Variants in SLC49A4 observed in about 807,000 individuals in gnomAD.
SLC49A4 encodes the protein disrupted in renal cancer protein 2.
Under a neutral mutation model 50.6 loss-of-function variants are expected in SLC49A4, and 36 were observed. The observed-to-expected ratio is 0.71, with a 90% CI of 0.55 to 0.94. The LOEUF (loss-of-function observed/expected upper bound fraction) is 0.94. Among genes scored for constraint, SLC49A4 ranks in the 40% least tolerant of loss-of-function variants. The pLI is 0.00. For missense variants in SLC49A4, 503 were observed against 605.7 expected (o/e 0.83, Z 1.78); for synonymous variants, 248 against 241.2 (o/e 1.03, Z -0.26).
intron 1 of SLC49A4, among the ~76,000 whole-genome samples, chr3:122,800,414 T>C (rs960185321): frequency 6.6e-5 from 10 of 152,220 alleles, no homozygotes; most frequent in African/African-American, 2.4e-4. Context: ...TGTAGAAATT[T>C]CTTTCAAGAA....
intron 7 of SLC49A4, 45 bp downstream of exon 7, chr3:122,860,247 A>G: frequency 6.6e-7 from 1 of 1,517,206 alleles, no homozygotes; most frequent in South Asian, 1.3e-5. Context: ...ATTTTCATTC[A>G]CAGAAGTGTA....
intron 4 of SLC49A4, among the ~76,000 whole-genome samples, chr3:122,840,862 A>G (rs1206114101): frequency 3.3e-5 from 5 of 152,208 alleles, no homozygotes; most frequent in Non-Finnish European, 2.9e-5. Context: ...GATATTTGCT[A>G]TCGTTAGAAA....
Position 122,833,367 on chromosome 3 carries a change from C to A in SLC49A4, c.754C>A (p.Pro252Thr). 1 of 1,613,536 alleles carries A rather than the reference C, an allele frequency of 6.2e-7. No individual in the cohort carries two copies. Among genetic ancestry groups the A allele is most frequent in the Non-Finnish European group, 8.5e-7 (1 of 1,179,624 alleles). Residue 252 changes from proline to threonine, a missense_variant, in exon 4 of 9, where the codon CCC becomes ACC. By Grantham distance (38) the Pro-to-Thr change is conservative. Coordinates refer to ENST00000261038, the MANE Select transcript of SLC49A4 (RefSeq NM_032839.3). ...TTCTGCAACACTAGCTTATTTCCCACCCCGACCTCCTCTTCCTCCCAGTGT... is the reference window on the plus strand; with the variant it reads ...TTCTGCAACACTAGCTTATTTCCCAACCCGACCTCCTCTTCCTCCCAGTGT... ...IFSATLAYFP[P>T]RPPLPPSVAA... is the part of the protein sequence containing the mutation.
Position 122,795,254 on chromosome 3 carries a change from C to G in SLC49A4, c.62C>G (p.Pro21Arg), listed in dbSNP as rs1423186021. 2.9e-6 allele frequency: 4 copies of G among 1,379,756 alleles called. No homozygotes were observed. Among genetic ancestry groups the G allele is most frequent in the Non-Finnish European group, 3.7e-6 (4 of 1,079,090 alleles). The allele number at this position is 1,379,756 out of a possible 1,614,324, so 85.5% of individuals were successfully genotyped here. A position where few individuals can be genotyped will look rare whatever the true frequency, so the allele number is the denominator to read the frequency against. ...RQPLLGPGLGPGLGASWRSRE... is the reference protein window; with the variant it reads ...RQPLLGPGLGRGLGASWRSRE... ...CCGCTGCTGGGGCCCGGGCTCGGGC[C>G]TGGGCTGGGGGCCTCCTGGAGAAGC... The change falls in exon 1 of 9, where the codon CCT (proline) becomes CGT (arginine). Residue 21 changes from proline (P) to arginine (R), a missense_variant. Physicochemically the swap from Pro to Arg is moderately radical, Grantham distance 103. Coordinates refer to ENST00000261038, the MANE Select transcript of SLC49A4 (RefSeq NM_032839.3).
chr3:122,852,647 C>T (rs911707582), intron 5 of SLC49A4, among the ~76,000 whole-genome samples: 4 of 152,178 alleles, frequency 2.6e-5, no homozygotes, highest in African/African-American at 9.7e-5. Context: ...TTTAGTCCCT[C>T]AGGAGGCTGT....
intron 5 of SLC49A4, among the ~76,000 whole-genome samples, chr3:122,853,407 G>A (rs920444681): frequency 6.6e-6 from 1 of 152,136 alleles, no homozygotes; most frequent in Non-Finnish European, 1.5e-5. Context: ...TTTTCTGGAT[G>A]GCAGGTATTC....
At chr3:122,847,021 C>T (rs892643774) in intron 5 of SLC49A4, among the ~76,000 whole-genome samples, 1 of 152,146 alleles carries the variant, frequency 6.6e-6, no homozygotes, top group South Asian at 2.1e-4. Context: ...AGATAGAAGA[C>T]GTCAAGATTG....
chr3:122,840,881 C>T (rs1208502734), intron 4 of SLC49A4, among the ~76,000 whole-genome samples: 1 of 152,162 alleles, frequency 6.6e-6, no homozygotes, highest in African/African-American at 2.4e-5. Context: ...AAGGATCTTA[C>T]ATTCTATAGG....
At chr3:122,860,858 G>A (rs1937051027) in intron 7 of SLC49A4, among the ~76,000 whole-genome samples, 1 of 152,290 alleles carries the variant, frequency 6.6e-6, no homozygotes, top group South Asian at 2.1e-4. Context: ...TAGAGTAGAA[G>A]TTCAATACAG....
In SLC49A4 at chr3:122,879,272, G is replaced by T; in HGVS notation, c.1331G>T (p.Trp444Leu). The change falls in exon 9 of 9, where the codon TGG becomes TTG. Residue 444 changes from tryptophan (W) to leucine (L), a missense_variant. By Grantham distance (61) the Trp-to-Leu change is moderately conservative. Coordinates refer to ENST00000261038, the MANE Select transcript of SLC49A4 (RefSeq NM_032839.3). ...FLTFYHTELS[W>L]FNWCLPGSCL... ...TTTTTTTGTCTTACAGAGTTGTCTT[G>T]GTTCAACTGGTGCCTTCCCGGGTCG... 6.2e-7 allele frequency: 1 copy of T among 1,613,554 alleles called. No individual in the cohort carries two copies. Among genetic ancestry groups the T allele is most frequent in the Non-Finnish European group, 8.5e-7 (1 of 1,179,586 alleles).
intron 4 of SLC49A4, among the ~76,000 whole-genome samples, chr3:122,842,293 T>C (rs1936781527): frequency 6.6e-6 from 1 of 151,920 alleles, no homozygotes; most frequent in Non-Finnish European, 1.5e-5. Context: ...GAGACCATCC[T>C]GGCTAACACG....
rs184268343 is a variant in SLC49A4, at chr3:122,867,798, G to A, written c.1139-4617G>A. On this transcript the variant is annotated intron_variant, in intron 7 of 8. Coordinates refer to ENST00000261038, the MANE Select transcript of SLC49A4 (RefSeq NM_032839.3). ...AGATCGAGACCATCCTGGCTAACAC[G>A]GTGAAACCCTGTCTCTAGTAAGAAT... Among the ~76,000 whole-genome samples, 1,102 of 151,596 alleles carry A rather than the reference G, an allele frequency of 7.3e-3. 7 individuals carry two copies. Among genetic ancestry groups the A allele is most frequent in the African/African-American group, 0.023 (959 of 41,266 alleles).
In SLC49A4 at chr3:122,848,229, A is replaced by G. The variant is rs551931930; in HGVS notation, c.942+2358A>G. Among the ~76,000 whole-genome samples, 36 of 152,242 alleles carry G rather than the reference A, an allele frequency of 2.4e-4. 1 individual carries two copies. The South Asian group carries it at 6.6e-3, about 28-fold the overall frequency. On this transcript the variant is annotated intron_variant, in intron 5 of 8. Transcript: ENST00000261038. The stretch of plus-strand genomic sequence containing the variant: ...TTCCCCATAGATATTTGTTAACCTA[A>G]TATCAGTGTTTGAAAAGATCATTTT...
At chr3:122,799,706 A>G (rs1434177890) in intron 1 of SLC49A4, among the ~76,000 whole-genome samples, 2 of 152,244 alleles carry the variant, frequency 1.3e-5, no homozygotes, top group Non-Finnish European at 2.9e-5. Context: ...AGAATAACCC[A>G]GATGGGAGCT....
At chr3:122,808,686 C>G (rs1025704507) in intron 2 of SLC49A4, among the ~76,000 whole-genome samples, 2 of 152,114 alleles carry the variant, frequency 1.3e-5, no homozygotes, top group African/African-American at 4.8e-5. Flanking sequence ...TGGTGCTCGG[C>G]TGCTCCTTTG....
chr3:122,798,549 T>C (rs62261683), intron 1 of SLC49A4, among the ~76,000 whole-genome samples: 68,219 of 151,418 alleles, frequency 0.45, 16,226 homozygotes, highest in South Asian at 0.55. Context: ...CTTTTATATG[T>C]TGGCTTTCCT....
chr3:122,805,591 G>A (rs1936207047), intron 1 of SLC49A4, among the ~76,000 whole-genome samples: 3 of 152,170 alleles, frequency 2.0e-5, no homozygotes, highest in African/African-American at 7.2e-5. Context: ...TGTTGGATTT[G>A]GGAAAAATTT....
At chr3:122,807,129 A>C (rs1368323685) in intron 2 of SLC49A4, among the ~76,000 whole-genome samples, 179 bp downstream of exon 2, 1 of 152,132 alleles carries the variant, frequency 6.6e-6, no homozygotes, top group Non-Finnish European at 1.5e-5. Context: ...TGGAAATAAA[A>C]AGAGCAAGTT....
chr3:122,860,343 C>T (rs1937046489), intron 7 of SLC49A4, 141 bp downstream of exon 7: 1 of 746,340 alleles, frequency 1.3e-6, no homozygotes, highest in African/African-American at 1.8e-5. Flanking sequence ...AGTCATCAAA[C>T]CATCATCTTA....
Sources: allele counts gnomAD v4.1 joint callset (sites outside exome capture counted in the v4.1 genomes callset), GRCh38; gene constraint gnomAD v4.1.1; transcripts MANE v1.5; gene names NCBI Gene and HGNC (gene_info 2026-07-23, HGNC 2026-07-21).